SPINK5: variants seen among roughly 807,000 people sequenced by gnomAD.
SPINK5 encodes serine peptidase inhibitor Kazal type 5, also known as serine protease inhibitor Kazal-type 5.
A neutral mutation model predicts 151.8 loss-of-function variants in SPINK5; 125 were observed. The observed-to-expected ratio is 0.82, with a 90% confidence interval of 0.71 to 0.96. The LOEUF is 0.96. Ranked by LOEUF, SPINK5 falls within the 40% of genes least tolerant of loss-of-function variation. The pLI, the probability that SPINK5 is intolerant of heterozygous loss-of-function variation, is 0.00. For synonymous variants in SPINK5, 374 were observed against 395.3 expected, an observed-to-expected ratio of 0.95 and a Z score of 0.64; for missense variants, 1,194 against 1,291.9, an observed-to-expected ratio of 0.92 and a Z score of 1.16.
intron 1 of SPINK5, among the ~76,000 whole-genome samples, chr5:148,064,364 C>G (rs1406999663): frequency 6.6e-6 from 1 of 152,128 alleles, no homozygotes; most frequent in Non-Finnish European, 1.5e-5. Context: ...ATTCAGAAAA[C>G]TGAATAGATT....
chr5:148,070,269 AAAG>A, intron 2 of SPINK5, 51 bp from the exon 3 acceptor site: 1 of 1,597,394 alleles, frequency 6.3e-7, no homozygotes, highest in Non-Finnish European at 8.6e-7. Flanking sequence ...ATATCAAAAT[AAAG>A]CTTGTTTTGA....
At position 148,099,311 on chromosome 5, in the gene SPINK5, A is replaced by G. The variant is rs1356886950; in HGVS notation, c.1088A>G (p.Tyr363Cys). The change falls in exon 12 of 33, where the codon TAT (tyrosine) becomes TGT (cysteine). Residue 363 changes from tyrosine (Y) to cysteine (C), a missense_variant. By Grantham distance (194) the Tyr-to-Cys change is radical. Transcript: ENST00000256084. ...NKRESGKATS[Y>C]AELCSEYRKL... Reference sequence around the variant, plus strand: ...AGAGAATCTGGAAAAGCAACCTCATATGCAGTGAGTGGAATCCATCCAATA... The same window carrying G: ...AGAGAATCTGGAAAAGCAACCTCATGTGCAGTGAGTGGAATCCATCCAATA... 9.3e-6 allele frequency: 15 copies of G among 1,611,932 alleles called. No individual in the cohort carries two copies. The highest frequency in any genetic ancestry group is 1.0e-5 in the Non-Finnish European group (12 of 1,178,798).
intron 6 of SPINK5, 56 bp from the exon 7 acceptor site, chr5:148,089,438 A>G: frequency 6.2e-7 from 1 of 1,610,102 alleles, no homozygotes; most frequent in Middle Eastern, 1.7e-4. Flanking sequence ...TTCTGAAAAC[A>G]GTGTTGTCAG....
chr5:148,078,071 T>C (rs2113019962), intron 4 of SPINK5, among the ~76,000 whole-genome samples: 1 of 151,212 alleles, frequency 6.6e-6, no homozygotes, highest in East Asian at 2.0e-4. Context: ...GCTCCTTAGA[T>C]TCAAAGACAC....
At chr5:148,118,619 G>A in intron 23 of SPINK5, 55 bp downstream of exon 23, 1 of 1,602,294 alleles carries the variant, frequency 6.2e-7, no homozygotes. Context: ...CCTCTTGAAT[G>A]AATGGCTATT....
chr5:148,064,994 A>G (rs1561669529), intron 1 of SPINK5, among the ~76,000 whole-genome samples: 2 of 152,122 alleles, frequency 1.3e-5, no homozygotes, highest in Admixed American at 6.5e-5. Flanking sequence ...TTGGTATAGT[A>G]TTTTGTGTGT....
Position 148,101,927 on chromosome 5 carries a change from C to G in SPINK5, c.1430+19C>G, listed in dbSNP as rs1753657872. ...CCTTCTTGTGAGTAGAGCAGTAGCCCCATAGCGTCTGAGGATTGAGCAGTG... is the reference window on the plus strand; with the variant it reads ...CCTTCTTGTGAGTAGAGCAGTAGCCGCATAGCGTCTGAGGATTGAGCAGTG... On this transcript the variant is annotated intron_variant, in intron 15 of 32. Coordinates refer to ENST00000256084, the MANE Select transcript of SPINK5 (RefSeq NM_006846.4). 1 of 1,613,138 alleles carries G rather than the reference C, an allele frequency of 6.2e-7. No homozygotes were observed. Among genetic ancestry groups the G allele is most frequent in the Non-Finnish European group, 8.5e-7 (1 of 1,179,398 alleles).
At chr5:148,104,471 G>A (rs891021438) in intron 15 of SPINK5, among the ~76,000 whole-genome samples, 1 of 152,204 alleles carries the variant, frequency 6.6e-6, no homozygotes, top group Admixed American at 6.5e-5. Flanking sequence ...TCTTGAGGTA[G>A]AGTGAATCAT....
In SPINK5 at chr5:148,121,967, T is replaced by TA. The variant is rs936605695; in HGVS notation, c.2538+1586dup. Among the ~76,000 whole-genome samples, 1,052 of 147,734 alleles carry TA rather than the reference T, an allele frequency of 7.1e-3. 10 individuals are homozygous for TA. Among genetic ancestry groups the TA allele is most frequent in the African/African-American group, 0.024 (938 of 39,638 alleles). On this transcript the variant is annotated intron_variant, in intron 26 of 32. Transcript: ENST00000256084. Reference sequence around the variant, plus strand: ...TGGGCAACAGAGTAAGAACTTGTCTTAAAAAAAAAATAAAAATATTGAGAT... The same window carrying TA: ...TGGGCAACAGAGTAAGAACTTGTCTTAAAAAAAAAAATAAAAATATTGAGAT...
intron 23 of SPINK5, 110 bp downstream of exon 23, chr5:148,118,674 A>G: frequency 2.0e-6 from 3 of 1,468,630 alleles, no homozygotes; most frequent in South Asian, 1.2e-5. Flanking sequence ...TCTTTTTGCT[A>G]ATTTCCAAAT....
At chr5:148,088,909 T>A (rs1276407783) in intron 6 of SPINK5, 6 of 465,458 alleles carry the variant, frequency 1.3e-5, no homozygotes, top group Non-Finnish European at 2.4e-5. Flanking sequence ...CTTCAGTCAC[T>A]TAGCCTGCGT....
Position 148,119,028 on chromosome 5 carries a change from A to G in SPINK5, c.2283A>G (p.Arg761=), listed in dbSNP as rs1452159679. 2 of 1,613,936 alleles carry G rather than the reference A, an allele frequency of 1.2e-6. No homozygotes were observed. The highest frequency in any genetic ancestry group is 1.7e-6 in the Non-Finnish European group (2 of 1,179,954). ...GAAAAAATGAGTATTCTCGCTCCAGATCAAATGGGACTGGATCAGAATCAG... is the reference window on the plus strand; with the variant it reads ...GAAAAAATGAGTATTCTCGCTCCAGGTCAAATGGGACTGGATCAGAATCAG... The part of the protein sequence containing the change: ...AERKNEYSRS[R]SNGTGSESGK... The change falls in exon 24 of 33, where the codon AGA becomes AGG. Residue 761 remains arginine, a synonymous_variant. Coordinates refer to ENST00000256084, the MANE Select transcript of SPINK5 (RefSeq NM_006846.4).
At chr5:148,104,545 T>A (rs981422284) in intron 15 of SPINK5, among the ~76,000 whole-genome samples, 1 of 152,172 alleles carries the variant, frequency 6.6e-6, no homozygotes, top group Non-Finnish European at 1.5e-5. Context: ...TGTTTGAGAA[T>A]AGTCAAAACA....
intron 30 of SPINK5, among the ~76,000 whole-genome samples, chr5:148,128,968 A>T (rs1469066715): frequency 6.6e-6 from 1 of 152,234 alleles, no homozygotes; most frequent in Non-Finnish European, 1.5e-5. Context: ...GAAATAAGGC[A>T]GAAAAAAATG....
chr5:148,123,020 A>G (rs1305512970), intron 26 of SPINK5, among the ~76,000 whole-genome samples: 1 of 151,906 alleles, frequency 6.6e-6, no homozygotes, highest in Non-Finnish European at 1.5e-5. Context: ...ATAGGGAGAC[A>G]GGTTTGGGGC....
chr5:148,065,563 A>G (rs934369760), intron 2 of SPINK5, 191 bp downstream of exon 2: 47 of 585,032 alleles, frequency 8.0e-5, no homozygotes, highest in South Asian at 8.9e-5. Flanking sequence ...ACACACACAC[A>G]CACACACACT....
At position 148,112,951 on chromosome 5, in the gene SPINK5, T is replaced by C. The variant is rs751166823; in HGVS notation, c.1887+17T>C. ...GCTGAAAAGGTAGTAATCCTGAATGTTTATACTGCAATGAAAGGATGAGAT... is the reference window on the plus strand; with the variant it reads ...GCTGAAAAGGTAGTAATCCTGAATGCTTATACTGCAATGAAAGGATGAGAT... On this transcript the variant is annotated intron_variant, in intron 20 of 32. Transcript: ENST00000256084. 1 of 1,613,438 alleles carries C rather than the reference T, an allele frequency of 6.2e-7. No individual in the cohort carries two copies. Among genetic ancestry groups the C allele is most frequent in the Admixed American group, 1.7e-5 (1 of 59,958 alleles).
chr5:148,101,507 C>T (rs1405116228), intron 14 of SPINK5, 71 bp downstream of exon 14: 11 of 1,240,862 alleles, frequency 8.9e-6, no homozygotes, highest in South Asian at 3.6e-5. Context: ...TCAGGGAACA[C>T]GTGCATTCCT....
chr5:148,077,455 A>G (rs1242814176), intron 4 of SPINK5, among the ~76,000 whole-genome samples: 3 of 151,086 alleles, frequency 2.0e-5, no homozygotes, highest in African/African-American at 7.3e-5. Context: ...TAACACAACT[A>G]CCTTAAAAAT....
Sources: gnomAD v4.1 joint callset for allele counts (sites outside exome capture counted in the v4.1 genomes callset) on GRCh38, gnomAD v4.1.1 for gene constraint, MANE v1.5 for transcripts, NCBI Gene and HGNC (gene_info 2026-07-23, HGNC 2026-07-21) for gene names.